The following EPHA3 variants were observed in gnomAD, a reference collection of about 807,000 sequenced individuals.
EPHA3 encodes the protein EPH receptor A3, also known as ephrin type-A receptor 3.
In EPHA3, 42 loss-of-function variants were observed where a neutral mutation model predicts 107.1. The observed-to-expected ratio is 0.39, with a 90% confidence interval of 0.31 to 0.51. EPHA3 has a LOEUF of 0.51. Among genes scored for constraint, EPHA3 ranks in the 20% least tolerant of loss-of-function variants. The pLI is 0.78. For synonymous variants in EPHA3, 461 were observed against 424.8 expected, an observed-to-expected ratio of 1.09 and a Z score of -1.05; for missense variants, 1,183 against 1,211.2, an observed-to-expected ratio of 0.98 and a Z score of 0.35.
At chr3:89,191,848 G>A (rs1705723759) in intron 2 of EPHA3, among the ~76,000 whole-genome samples, 1 of 152,100 alleles carries the variant, frequency 6.6e-6, no homozygotes, top group Non-Finnish European at 1.5e-5. Flanking sequence ...TTCTTTATCA[G>A]CTTCTCTTAG....
Position 89,479,432 on chromosome 3 carries a change from C to T in EPHA3, c.2882C>T (p.Pro961Leu). ...AAGGTTGGTGTCACCGTGGTTGGGC[C>T]ACAGAAGAAGATCATCAGTAGCATT... is the stretch of plus-strand genomic sequence containing the variant. The part of the protein sequence containing the change: ...MKKVGVTVVG[P>L]QKKIISSIKA... The change falls in exon 17 of 17, where the codon CCA becomes CTA. Residue 961 changes from proline to leucine, a missense_variant. Physicochemically the swap from Pro to Leu is moderately conservative, Grantham distance 98 (BLOSUM62 -3). Coordinates refer to ENST00000336596, the MANE Select transcript of EPHA3 (RefSeq NM_005233.6). 1 of 1,614,000 alleles carries T rather than the reference C, an allele frequency of 6.2e-7. No homozygotes were observed. The highest frequency in any genetic ancestry group is 8.5e-7 in the Non-Finnish European group (1 of 1,179,980).
chr3:89,386,901 G>A (rs1263256754), intron 5 of EPHA3, among the ~76,000 whole-genome samples: 1 of 152,186 alleles, frequency 6.6e-6, no homozygotes, highest in Non-Finnish European at 1.5e-5. Context: ...TTTTGGACTT[G>A]CATGGGCCTG....
chr3:89,455,198 A>G (rs558064180), intron 15 of EPHA3, among the ~76,000 whole-genome samples: 1 of 152,302 alleles, frequency 6.6e-6, no homozygotes, highest in South Asian at 2.1e-4. Context: ...AGTACAGACC[A>G]GAGGAAGGAA....
intron 3 of EPHA3, among the ~76,000 whole-genome samples, chr3:89,335,805 G>A (rs756350297): frequency 2.0e-5 from 3 of 152,124 alleles, no homozygotes; most frequent in Non-Finnish European, 4.4e-5. Flanking sequence ...ATCACTCTTT[G>A]GTTTTGCTAT....
At chr3:89,361,083 TA>T (rs1708081762) in intron 5 of EPHA3, among the ~76,000 whole-genome samples, 2 of 151,210 alleles carry the variant, frequency 1.3e-5, no homozygotes, top group South Asian at 4.2e-4. Context: ...ACATCTTGCA[TA>T]TAAAATATTC....
chr3:89,321,003 T>A (rs1707030460), intron 3 of EPHA3, among the ~76,000 whole-genome samples: 1 of 152,006 alleles, frequency 6.6e-6, no homozygotes, highest in African/African-American at 2.4e-5. Context: ...TATGAGAGAC[T>A]GCCTTTTTTT....
intron 3 of EPHA3, among the ~76,000 whole-genome samples, chr3:89,223,774 G>C (rs1704438323): frequency 6.6e-6 from 1 of 152,110 alleles, no homozygotes; most frequent in African/African-American, 2.4e-5. Flanking sequence ...CTCATATGTA[G>C]ATCTAGAATA....
At chr3:89,417,049 C>A (rs1223693465) in intron 10 of EPHA3, among the ~76,000 whole-genome samples, 2 of 151,396 alleles carry the variant, frequency 1.3e-5, no homozygotes. Flanking sequence ...GGCAATTTAT[C>A]CTTTAGGTGG....
At chr3:89,230,033 T>C (rs745346554) in intron 3 of EPHA3, among the ~76,000 whole-genome samples, 2 of 152,146 alleles carry the variant, frequency 1.3e-5, no homozygotes, top group Non-Finnish European at 2.9e-5. Context: ...TCAGTATGTA[T>C]GAGCTTTAAA....
intron 2 of EPHA3, among the ~76,000 whole-genome samples, chr3:89,174,695 A>G (rs1705281750): frequency 1.3e-5 from 2 of 152,012 alleles, no homozygotes; most frequent in African/African-American, 2.4e-5. Context: ...ATCTTAATGA[A>G]GTTACTTTTT....
At chr3:89,248,814 G>A (rs1317606914) in intron 3 of EPHA3, among the ~76,000 whole-genome samples, 1 of 152,138 alleles carries the variant, frequency 6.6e-6, no homozygotes, top group Non-Finnish European at 1.5e-5. Context: ...GAATCACTTT[G>A]CTTCTACATA....
At position 89,395,943 on chromosome 3, in the gene EPHA3, G is replaced by T. The variant is rs1708842249; in HGVS notation, c.1413G>T (p.Glu471Asp). The change falls in exon 6 of 17, where the codon GAG (glutamate) becomes GAT (aspartate). Residue 471 changes from glutamate (E) to aspartate (D), a missense_variant. By Grantham distance (45) the Glu-to-Asp change is conservative. Transcript: ENST00000336596. The part of the protein sequence containing the change: ...EHPNGIILDY[E>D]VKYYEKQEQE... ...CTAATGGGATCATATTGGACTACGA[G>T]GTCAAATACTATGAAAAGGTGGGGA... 1 of 1,613,828 alleles carries T rather than the reference G, an allele frequency of 6.2e-7. No homozygotes were observed. Among genetic ancestry groups the T allele is most frequent in the Non-Finnish European group, 8.5e-7 (1 of 1,179,874 alleles).
intron 2 of EPHA3, among the ~76,000 whole-genome samples, chr3:89,203,651 C>A (rs1250773808): frequency 6.6e-6 from 1 of 151,876 alleles, no homozygotes; most frequent in Non-Finnish European, 1.5e-5. Context: ...GTGGCGGGCG[C>A]CTGCAGTCCC....
chr3:89,399,916 G>A, intron 7 of EPHA3: 2 of 1,057,088 alleles, frequency 1.9e-6, no homozygotes, highest in Non-Finnish European at 2.3e-6. Flanking sequence ...ATATCACAGA[G>A]AGAATAAGGA....
intron 5 of EPHA3, among the ~76,000 whole-genome samples, chr3:89,368,009 C>T (rs1708217256): frequency 1.3e-5 from 2 of 150,436 alleles, no homozygotes; most frequent in Non-Finnish European, 3.0e-5. Context: ...AGGCATGGCT[C>T]ACATTTGTCT....
intron 2 of EPHA3, among the ~76,000 whole-genome samples, chr3:89,204,480 C>CCA (rs57892338): frequency 0.012 from 1,765 of 149,920 alleles, 35 homozygotes; most frequent in African/African-American, 0.04. Context: ...ATTTGACACA[C>CCA]CACACACACA....
In EPHA3 at chr3:89,388,612, T is replaced by C. The variant is rs562095541; in HGVS notation, c.1307-7225T>C. On this transcript the variant is annotated intron_variant, in intron 5 of 16. Coordinates refer to ENST00000336596, the MANE Select transcript of EPHA3 (RefSeq NM_005233.6). ...TGAAAAAAAGAATTGTCTTTAGAAT[T>C]TTAGCTTTGTATGGAGAGCAATAAA... 2.6e-5 allele frequency among the ~76,000 whole-genome samples: 4 copies of C among 152,274 alleles called. No individual in the cohort carries two copies. The Middle Eastern group carries it at 0.014, about 518-fold the overall frequency.
chr3:89,157,506 C>A (rs1259233978), intron 2 of EPHA3, among the ~76,000 whole-genome samples: 1 of 151,878 alleles, frequency 6.6e-6, no homozygotes, highest in Non-Finnish European at 1.5e-5. Flanking sequence ...TATCATATTT[C>A]TTTTAGGTGT....
chr3:89,358,419 T>C (rs1396125101), intron 5 of EPHA3, among the ~76,000 whole-genome samples: 5 of 151,126 alleles, frequency 3.3e-5, no homozygotes, highest in Admixed American at 6.6e-5. Flanking sequence ...ATTACTTGCC[T>C]TTTTCTGTTC....
Sources: allele counts gnomAD v4.1 joint callset (sites outside exome capture counted in the v4.1 genomes callset), GRCh38; gene constraint gnomAD v4.1.1; transcripts MANE v1.5; gene names NCBI Gene and HGNC (gene_info 2026-07-23, HGNC 2026-07-21).